Variants in PRELID3B observed in about 807,000 individuals in gnomAD.
The protein encoded by PRELID3B is PRELI domain containing 3B.
In PRELID3B, 15 loss-of-function variants were observed where a neutral mutation model predicts 24.0. The observed-to-expected ratio is 0.63, with a 90% confidence interval of 0.42 to 0.96. The LOEUF (loss-of-function observed/expected upper bound fraction) is 0.96. PRELID3B is among the 40% of genes least tolerant of loss of function. The probability of loss-of-function intolerance (pLI) is 0.00; values close to 1 mark genes in which losing one functional copy is unlikely to be tolerated. For synonymous variants in PRELID3B, 62 were observed against 76.0 expected (o/e 0.82, Z 0.96); for missense variants, 189 against 236.0 (o/e 0.80, Z 1.30).
chr20:59,036,328 T>G (rs2092071786), intron 5 of PRELID3B, 143 bp downstream of exon 5: 1 of 632,178 alleles, frequency 1.6e-6, no homozygotes, highest in East Asian at 2.7e-5. Context: ...CCAGAGCCTT[T>G]GTAAGTAACT....
chr20:59,037,756 C>G (rs1314368810), intron 2 of PRELID3B, among the ~76,000 whole-genome samples: 1 of 152,250 alleles, frequency 6.6e-6, no homozygotes, highest in Non-Finnish European at 1.5e-5. Context: ...CTGTCACTCC[C>G]TGTGCTATGA....
chr20:59,038,947 A>G (rs151361), intron 1 of PRELID3B, among the ~76,000 whole-genome samples: 35,850 of 152,168 alleles, frequency 0.24, 4,363 homozygotes, highest in African/African-American at 0.26. Flanking sequence ...GGAAGAACCA[A>G]TGATTCATGA....
At chr20:59,038,120 T>C (rs1361009914) in intron 2 of PRELID3B, 2 of 192,420 alleles carry the variant, frequency 1.0e-5, no homozygotes. Flanking sequence ...AACCCACCAC[T>C]GACCACAGAA....
chr20:59,037,630 C>T (rs545839023), intron 2 of PRELID3B, among the ~76,000 whole-genome samples: 2 of 152,332 alleles, frequency 1.3e-5, no homozygotes, highest in East Asian at 1.9e-4. Flanking sequence ...AAAAGGAGAA[C>T]TCAAAGGCAT....
Position 59,036,788 on chromosome 20 carries a change from T to C in PRELID3B, c.292-28A>G, listed in dbSNP as rs1259099276. On this transcript the variant is annotated intron_variant, in intron 3 of 5. Transcript: ENST00000355937. ...ACAGAATGAAGAAAAAAAAAAAAGA[T>C]CAAATCATTTTGGAACTGAAGATTC... 4 of 1,364,510 alleles carry C rather than the reference T, an allele frequency of 2.9e-6. No homozygotes were observed. The South Asian group carries it at 5.3e-5, about 18-fold the overall frequency. 84.5% of individuals were successfully genotyped at this position (1,364,510 alleles called of 1,614,324 possible). A position where few individuals can be genotyped will look rare whatever the true frequency, so the allele number is the denominator to read the frequency against.
At chr20:59,038,881 G>A (rs1051027419) in intron 1 of PRELID3B, among the ~76,000 whole-genome samples, 2 of 151,998 alleles carry the variant, frequency 1.3e-5, no homozygotes, top group Non-Finnish European at 2.9e-5. Flanking sequence ...GATCAAAGCA[G>A]TCTACACCAT....
rs2092059499 is a variant in PRELID3B, at chr20:59,034,905, A to AG, written c.*101_*102insC. 1.0e-5 allele frequency: 12 copies of AG among 1,175,798 alleles called. No homozygotes were observed. Among genetic ancestry groups the AG allele is most frequent in the Non-Finnish European group, 1.3e-5 (12 of 897,490 alleles). 72.8% of individuals were successfully genotyped at this position (1,175,798 alleles called of 1,614,324 possible). A position where few individuals can be genotyped will look rare whatever the true frequency, so the allele number is the denominator to read the frequency against. On this transcript the variant is annotated 3_prime_UTR_variant, in exon 6 of 6. Transcript: ENST00000355937. ...ACCAACTTATCAAAAAAAAAAAAAA[A>AG]AAAACTACCCAAAATATAGTTGTAT...
At chr20:59,037,999 C>T in intron 2 of PRELID3B, 1 of 155,760 alleles carries the variant, frequency 6.4e-6, no homozygotes, top group Non-Finnish European at 1.4e-5. Flanking sequence ...CTAAAGCCTG[C>T]TCATTCTTAA....
chr20:59,037,442 C>G, intron 2 of PRELID3B, 162 bp from the exon 3 acceptor site: 1 of 683,050 alleles, frequency 1.5e-6, no homozygotes, highest in Non-Finnish European at 2.6e-6. Context: ...GAGGCCTATT[C>G]ACATATCATG....
In PRELID3B at chr20:59,033,708, A is replaced by T. The variant is rs1403502566; in HGVS notation, c.*1299T>A. The T allele has an allele frequency of 1.3e-5, 2 of 152,252 alleles. No individual in the cohort carries two copies. Among genetic ancestry groups the T allele is most frequent in the Admixed American group, 1.3e-4 (2 of 15,290 alleles). The allele number at this position is 152,252 out of a possible 1,614,324, so 9.4% of individuals were successfully genotyped here. A position where few individuals can be genotyped will look rare whatever the true frequency, so the allele number is the denominator to read the frequency against. On this transcript the variant is annotated 3_prime_UTR_variant, in exon 6 of 6. Coordinates refer to ENST00000355937, the MANE Select transcript of PRELID3B (RefSeq NM_016045.3). ...TGACTAGAAGTTTATCACACTAAGC[A>T]CTGTAAAATAAAGGCAAGAGCTAAT... is the stretch of plus-strand genomic sequence containing the variant.
In PRELID3B at chr20:59,038,602, ATTGCAGCTG is replaced by A. The variant is rs2092090563; in HGVS notation, c.56_64del (p.Thr19_Ala21del). 1 of 1,611,774 alleles carries A rather than the reference ATTGCAGCTG, an allele frequency of 6.2e-7. No individual in the cohort carries two copies. Among genetic ancestry groups the A allele is most frequent in the Non-Finnish European group, 8.5e-7 (1 of 1,179,240 alleles). On this transcript the variant is annotated inframe_deletion, in exon 2 of 6. Transcript: ENST00000355937. ...GTTCATAGGGTTTGGGTATTTCTGC[ATTGCAGCTG>A]TTGTAACAGTTTCCCACGGGTGGCT...
In PRELID3B at chr20:59,034,908, A is replaced by AC; in HGVS notation, c.*98_*99insG. 8.8e-7 allele frequency: 1 copy of AC among 1,134,858 alleles called. No homozygotes were observed. Among genetic ancestry groups the AC allele is most frequent in the East Asian group, 2.9e-5 (1 of 34,894 alleles). 70.3% of individuals were successfully genotyped at this position (1,134,858 alleles called of 1,614,324 possible). A position where few individuals can be genotyped will look rare whatever the true frequency, so the allele number is the denominator to read the frequency against. ...AACTTATCAAAAAAAAAAAAAAAAAAACTACCCAAAATATAGTTGTATTTT... is the reference window on the plus strand; with the variant it reads ...AACTTATCAAAAAAAAAAAAAAAAAACACTACCCAAAATATAGTTGTATTTT... On this transcript the variant is annotated 3_prime_UTR_variant, in exon 6 of 6. Coordinates refer to ENST00000355937, the MANE Select transcript of PRELID3B (RefSeq NM_016045.3).
chr20:59,038,457 C>T lies in PRELID3B; in HGVS notation c.201+9G>A. 3 of 1,606,830 alleles carry T rather than the reference C, an allele frequency of 1.9e-6. No individual in the cohort carries two copies. The highest frequency in any genetic ancestry group is 2.6e-6 in the Non-Finnish European group (3 of 1,176,174). On this transcript the variant is annotated intron_variant, in intron 2 of 5. Transcript: ENST00000355937. ...AGTCACATTTCTCCGGGAATAAAGACACACTTACAGACTTCACAATGGAAG... is the reference window on the plus strand; with the variant it reads ...AGTCACATTTCTCCGGGAATAAAGATACACTTACAGACTTCACAATGGAAG...
In PRELID3B at chr20:59,034,929, AT is replaced by A; in HGVS notation, c.*77del. 6 of 1,115,908 alleles carry A rather than the reference AT, an allele frequency of 5.4e-6. No homozygotes were observed. Among genetic ancestry groups the A allele is most frequent in the Non-Finnish European group, 7.2e-6 (6 of 838,658 alleles). 69.1% of individuals were successfully genotyped at this position (1,115,908 alleles called of 1,614,324 possible). A position where few individuals can be genotyped will look rare whatever the true frequency, so the allele number is the denominator to read the frequency against. Reference sequence around the variant, plus strand: ...AAAAAACTACCCAAAATATAGTTGTATTTTTAAAATAACAAATAAATATATA... The same window carrying A: ...AAAAAACTACCCAAAATATAGTTGTATTTTAAAATAACAAATAAATATATA... On this transcript the variant is annotated 3_prime_UTR_variant, in exon 6 of 6. Transcript: ENST00000355937.
rs773059797 is a variant in PRELID3B, at chr20:59,042,780, C to T, written c.-50G>A. On this transcript the variant is annotated 5_prime_UTR_variant, in exon 1 of 6. Transcript: ENST00000355937. Reference sequence around the variant, plus strand: ...CGGGTAGCGCCAGGGGACAACGAGGCACAGAGGCTACACCTGCCCCTGCCC... The same window carrying T: ...CGGGTAGCGCCAGGGGACAACGAGGTACAGAGGCTACACCTGCCCCTGCCC... 1.3e-5 allele frequency: 21 copies of T among 1,574,766 alleles called. No individual in the cohort carries two copies. Among genetic ancestry groups the T allele is most frequent in the Non-Finnish European group, 1.7e-5 (20 of 1,160,494 alleles).
chr20:59,042,219 G>A (rs2092115061), intron 1 of PRELID3B, among the ~76,000 whole-genome samples: 1 of 152,218 alleles, frequency 6.6e-6, no homozygotes, highest in African/African-American at 2.4e-5. Flanking sequence ...GAGTTCACCC[G>A]AAATTCACAT....
chr20:59,042,510 C>T (rs1208827448), intron 1 of PRELID3B, among the ~76,000 whole-genome samples, 189 bp downstream of exon 1: 2 of 152,218 alleles, frequency 1.3e-5, no homozygotes, highest in African/African-American at 4.8e-5. Context: ...GAGCCGTCCC[C>T]TCGGCTAGGG....
intron 1 of PRELID3B, 128 bp from the exon 2 acceptor site, chr20:59,038,762 A>G: frequency 8.3e-7 from 1 of 1,202,072 alleles, no homozygotes; most frequent in Non-Finnish European, 1.1e-6. Flanking sequence ...TTACCTAGGA[A>G]AAATTACCTT....
rs905587580 is a variant in PRELID3B, at chr20:59,038,394, T to C, written c.201+72A>G. 7 of 1,340,730 alleles carry C rather than the reference T, an allele frequency of 5.2e-6. No individual in the cohort carries two copies. The African/African-American group carries it at 8.8e-5, about 17-fold the overall frequency. 83.1% of individuals were successfully genotyped at this position (1,340,730 alleles called of 1,614,324 possible). A position where few individuals can be genotyped will look rare whatever the true frequency, so the allele number is the denominator to read the frequency against. ...TTCAGAATCGGCTCCCACAACCTAT[T>C]TGAAAGTATAATGCGGTTTAGAAAA... On this transcript the variant is annotated intron_variant, in intron 2 of 5. Transcript: ENST00000355937.
Sources: gnomAD v4.1 joint callset for allele counts (sites outside exome capture counted in the v4.1 genomes callset) on GRCh38, gnomAD v4.1.1 for gene constraint, MANE v1.5 for transcripts, NCBI Gene and HGNC (gene_info 2026-07-23, HGNC 2026-07-21) for gene names.